Variants in SPATA13 observed in about 807,000 individuals in gnomAD.
The protein encoded by SPATA13 is spermatogenesis associated 13, also known as spermatogenesis-associated protein 13.
SPATA13 carries 50 observed loss-of-function variants against 104.0 expected under a neutral mutation model. The ratio of observed to expected loss-of-function variants is 0.48; its 90% CI spans 0.38 to 0.61. The LOEUF (loss-of-function observed/expected upper bound fraction) is 0.61. Ranked by LOEUF, SPATA13 falls within the 20% of genes least tolerant of loss-of-function variation. SPATA13 has a pLI of 0.00. For missense variants in SPATA13, 1,524 were observed against 1,690.6 expected, an observed-to-expected ratio of 0.90 and a Z score of 1.73; for synonymous variants, 606 against 667.5, an observed-to-expected ratio of 0.91 and a Z score of 1.42.
intron 3 of SPATA13, among the ~76,000 whole-genome samples, chr13:24,029,320 C>T (rs1394596976): frequency 1.3e-5 from 2 of 152,088 alleles, no homozygotes; most frequent in African/African-American, 2.4e-5. Flanking sequence ...TGCGTCAGGA[C>T]AGTACAAATT....
chr13:24,068,951 C>T lies in SPATA13; in HGVS notation c.-112+51250C>T, dbSNP rs145473710. Among the ~76,000 whole-genome samples, 5 of 152,052 alleles carry T rather than the reference C, an allele frequency of 3.3e-5. No homozygotes were observed. In the South Asian group the frequency reaches 6.2e-4, roughly 19 times the overall value. ...TATTTGTGAATATTTTCTCCCATTC[C>T]GTAGGTTGTTTGTTCACTCTGTTGA... is the stretch of plus-strand genomic sequence containing the variant. On this transcript the variant is annotated intron_variant, in intron 3 of 14. Coordinates refer to the SPATA13 transcript ENST00000424834.
At chr13:24,163,506 C>G (rs1405963065) in intron 1 of SPATA13, among the ~76,000 whole-genome samples, 1 of 152,206 alleles carries the variant, frequency 6.6e-6, no homozygotes, top group Admixed American at 6.5e-5. Flanking sequence ...TTTATGGTCT[C>G]TGTTAGCTGT....
chr13:24,110,362 T>C (rs556417518), intron 3 of SPATA13, among the ~76,000 whole-genome samples: 2 of 152,104 alleles, frequency 1.3e-5, no homozygotes, highest in African/African-American at 4.8e-5. Flanking sequence ...AAGGGGAAAA[T>C]GAGGACAAAC....
rs933542587 is a variant in SPATA13 at position 24,105,882 on chromosome 13, A to G, written c.-112+88181A>G. On this transcript the variant is annotated intron_variant, in intron 3 of 14. Transcript: ENST00000424834. ...CACAGAGGGTAGACCTTGTGAAGAC[A>G]CAGGGTGAAGACGGCCACCTGTAAG... Among the ~76,000 whole-genome samples, 14 of 152,288 alleles carry G rather than the reference A, an allele frequency of 9.2e-5. No homozygotes were observed. The East Asian group carries it at 2.7e-3, about 29-fold the overall frequency.
chr13:24,103,484 C>CAAAAAAAAA (rs34983901), intron 3 of SPATA13, among the ~76,000 whole-genome samples: 54 of 69,824 alleles, frequency 7.7e-4, no homozygotes, highest in African/African-American at 2.3e-3. Context: ...GACCCTGTCT[C>CAAAAAAAAA]AAAAAAAAAA....
chr13:24,225,066 AC>A, intron 2 of SPATA13, among the ~76,000 whole-genome samples: 1 of 152,072 alleles, frequency 6.6e-6, no homozygotes, highest in East Asian at 1.9e-4. Context: ...CCAGCTGGAA[AC>A]CTCTGTGGGC....
At chr13:24,091,298 T>C (rs1879903600) in intron 3 of SPATA13, among the ~76,000 whole-genome samples, 1 of 152,242 alleles carries the variant, frequency 6.6e-6, no homozygotes, top group African/African-American at 2.4e-5. Flanking sequence ...CTCAATAATA[T>C]GTCATAGCTT....
chr13:24,135,026 A>G (rs1233289029), intron 3 of SPATA13, among the ~76,000 whole-genome samples: 1 of 152,212 alleles, frequency 6.6e-6, no homozygotes, highest in East Asian at 1.9e-4. Context: ...CGAGATGGCC[A>G]TCTACAAGCC....
chr13:24,266,377 TG>T (rs1314352678), intron 4 of SPATA13, among the ~76,000 whole-genome samples: 1 of 151,984 alleles, frequency 6.6e-6, no homozygotes, highest in African/African-American at 2.4e-5. Flanking sequence ...CTCGATCTCC[TG>T]GGCTCAAGGG....
Position 24,051,831 on chromosome 13 carries a change from G to T in SPATA13, c.-112+34130G>T, listed in dbSNP as rs1878352587. Among the ~76,000 whole-genome samples, 1 of 152,162 alleles carries T rather than the reference G, an allele frequency of 6.6e-6. No individual in the cohort carries two copies. Among genetic ancestry groups the T allele is most frequent in the South Asian group, 2.1e-4 (1 of 4,822 alleles). ...TTATGTTCTCCAGGGCAGGGCAGAG[G>T]GAGATGCCCAAGGGACAGAGGAGGC... On this transcript the variant is annotated intron_variant, in intron 3 of 14. Coordinates refer to the SPATA13 transcript ENST00000424834. The surrounding 1 kb of genome is among the most constrained non-coding windows in gnomAD (Gnocchi z 4.2).
intron 4 of SPATA13, chr13:24,252,757 G>T (rs891433960): frequency 6.6e-6 from 1 of 152,202 alleles, no homozygotes; most frequent in Non-Finnish European, 1.5e-5. Flanking sequence ...AAGCAAAAAG[G>T]GAATTTATTG....
At chr13:24,186,594 G>C (rs895442832) in intron 1 of SPATA13, among the ~76,000 whole-genome samples, 3 of 152,186 alleles carry the variant, frequency 2.0e-5, no homozygotes, top group Admixed American at 6.5e-5. Flanking sequence ...ATGCCACTGT[G>C]CTAGGCCCAA....
chr13:24,103,542 G>T (rs917563531), intron 3 of SPATA13, among the ~76,000 whole-genome samples: 1 of 138,352 alleles, frequency 7.2e-6, no homozygotes, highest in African/African-American at 3.0e-5. Flanking sequence ...GAGAGAGAGA[G>T]AAGAGAGAGA....
At chr13:23,988,528 T>A (rs1451414626) in intron 2 of SPATA13, among the ~76,000 whole-genome samples, 3 of 152,256 alleles carry the variant, frequency 2.0e-5, no homozygotes, top group Non-Finnish European at 4.4e-5. Flanking sequence ...ATTATTGATA[T>A]TGATTTGCTG....
chr13:24,076,775 A>C (rs1169873116), intron 3 of SPATA13, among the ~76,000 whole-genome samples: 1 of 151,690 alleles, frequency 6.6e-6, no homozygotes, highest in South Asian at 2.1e-4. Context: ...AAAGGAAGTT[A>C]CCCCCAGAAA....
intron 4 of SPATA13, among the ~76,000 whole-genome samples, chr13:24,269,710 A>C (rs1256347585): frequency 6.7e-6 from 1 of 149,726 alleles, no homozygotes; most frequent in Non-Finnish European, 1.5e-5. Flanking sequence ...CTGGGACCAC[A>C]GGCACATGCC....
intron 3 of SPATA13, among the ~76,000 whole-genome samples, chr13:24,025,619 C>T (rs1566076932): frequency 6.6e-6 from 1 of 152,174 alleles, no homozygotes; most frequent in Non-Finnish European, 1.5e-5. Context: ...TAAATCCTTA[C>T]TAAAATCTGG....
At position 24,200,774 on chromosome 13, in the gene SPATA13, C is replaced by T. The variant is rs576787609; in HGVS notation, c.-111-22045C>T. On this transcript the variant is annotated intron_variant, in intron 1 of 12. Transcript: ENST00000382108. Reference sequence around the variant, plus strand: ...CAAGCAGCCTCATGACTGTTGGTCACCTCCGGGTCATAAAAATCTCACAAT... The same window carrying T: ...CAAGCAGCCTCATGACTGTTGGTCATCTCCGGGTCATAAAAATCTCACAAT... 1.3e-3 allele frequency among the ~76,000 whole-genome samples: 197 copies of T among 151,432 alleles called. 1 individual carries two copies. Among genetic ancestry groups the T allele is most frequent in the Middle Eastern group, 3.4e-3 (1 of 294 alleles).
chr13:24,274,627 T>G (rs1486847582), intron 4 of SPATA13, among the ~76,000 whole-genome samples: 4 of 152,272 alleles, frequency 2.6e-5, no homozygotes, highest in Non-Finnish European at 4.4e-5. Flanking sequence ...TGCTCCCAGC[T>G]GTGAACACGA....
Sources: allele counts gnomAD v4.1 joint callset (sites outside exome capture counted in the v4.1 genomes callset), GRCh38; gene constraint gnomAD v4.1.1; non-coding constraint Gnocchi (gnomAD v3.1); transcripts MANE v1.5; gene names NCBI Gene and HGNC (gene_info 2026-07-23, HGNC 2026-07-21).